The following CSRNP3 variants were observed in gnomAD, a reference collection of about 807,000 sequenced individuals.
CSRNP3 encodes cysteine and serine rich nuclear protein 3, also known as cysteine/serine-rich nuclear protein 3.
CSRNP3 carries 12 observed loss-of-function variants against 48.0 expected under a neutral mutation model. That is an observed-to-expected ratio of 0.25 (90% CI 0.16 to 0.41). The LOEUF is 0.41. Among genes scored for constraint, CSRNP3 ranks in the 10% least tolerant of loss-of-function variants. The pLI, the probability that CSRNP3 is intolerant of heterozygous loss-of-function variation, is 1.00. For synonymous variants in CSRNP3, 263 were observed against 269.7 expected (o/e 0.98, Z 0.24); for missense variants, 580 against 724.4 (o/e 0.80, Z 2.29).
intron 3 of CSRNP3, among the ~76,000 whole-genome samples, chr2:165,575,390 AT>A (rs1193246053): frequency 1.4e-5 from 2 of 147,068 alleles, no homozygotes; most frequent in Non-Finnish European, 3.0e-5. Context: ...AAAAAATGTT[AT>A]TTTCATTTGC....
At chr2:165,550,467 C>T (rs1685082313) in intron 3 of CSRNP3, among the ~76,000 whole-genome samples, 1 of 152,118 alleles carries the variant, frequency 6.6e-6, no homozygotes, top group South Asian at 2.1e-4. Flanking sequence ...TTAGAATTAG[C>T]TAAGAGTCAT....
At chr2:165,626,719 A>G (rs1371973394) in intron 4 of CSRNP3, among the ~76,000 whole-genome samples, 1 of 152,180 alleles carries the variant, frequency 6.6e-6, no homozygotes, top group Non-Finnish European at 1.5e-5. Flanking sequence ...CCAGTGGCCA[A>G]ATGACTTCAC....
intron 3 of CSRNP3, among the ~76,000 whole-genome samples, chr2:165,532,836 C>T (rs537218581): frequency 9.3e-4 from 142 of 152,120 alleles, no homozygotes; most frequent in African/African-American, 3.2e-3. Flanking sequence ...AAAATCTCCT[C>T]AAGCTGATAA....
chr2:165,505,245 A>G (rs1684411005), intron 2 of CSRNP3, among the ~76,000 whole-genome samples: 1 of 152,168 alleles, frequency 6.6e-6, no homozygotes, highest in Non-Finnish European at 1.5e-5. Flanking sequence ...TTTCTGTCCT[A>G]TAAAGGAAAA....
At chr2:165,500,407 A>G (rs1158294155) in intron 2 of CSRNP3, among the ~76,000 whole-genome samples, 1 of 133,526 alleles carries the variant, frequency 7.5e-6, no homozygotes, top group Admixed American at 7.7e-5. Context: ...ACATATATGT[A>G]TACATATATA....
intron 4 of CSRNP3, among the ~76,000 whole-genome samples, chr2:165,645,444 C>T (rs1686795362): frequency 6.6e-6 from 1 of 152,296 alleles, no homozygotes; most frequent in East Asian, 1.9e-4. Context: ...GATACCATCA[C>T]CTTGGGGGTT....
chr2:165,478,950 A>G (rs936461993), intron 1 of CSRNP3, among the ~76,000 whole-genome samples: 3 of 152,236 alleles, frequency 2.0e-5, no homozygotes, highest in Admixed American at 1.3e-4. Context: ...CATTATTATC[A>G]TCTGTTTATC....
At chr2:165,666,815 AG>A (rs1331595321) in intron 5 of CSRNP3, among the ~76,000 whole-genome samples, 1 of 145,776 alleles carries the variant, frequency 6.9e-6, no homozygotes, top group Non-Finnish European at 1.5e-5. Context: ...GAAGAAAGAA[AG>A]AGAGAGAAAG....
chr2:165,568,259 A>C (rs2105272179), intron 3 of CSRNP3, among the ~76,000 whole-genome samples: 1 of 151,822 alleles, frequency 6.6e-6, no homozygotes, highest in South Asian at 2.1e-4. Flanking sequence ...CTTTGCCCAT[A>C]CCTCTTATCT....
rs775514933 is a variant in CSRNP3 at position 165,679,386 on chromosome 2, C to T, written c.1391C>T (p.Thr464Ile). 26 of 1,613,360 alleles carry T rather than the reference C, an allele frequency of 1.6e-5. No homozygotes were observed. Among genetic ancestry groups the T allele is most frequent in the Non-Finnish European group, 6.8e-6 (8 of 1,179,912 alleles). ...GAAAGAGACACTGTCAAAAATGGTA[C>T]CCTTTCGCTGGTGCCTTACACCATG... Reference protein sequence around the residue: ...YSERDTVKNGTLSLVPYTMTP... With the variant: ...YSERDTVKNGILSLVPYTMTP... Residue 464 changes from threonine (T) to isoleucine (I), a missense_variant, in exon 7 of 7, where the codon ACC becomes ATC. Thr to Ile is a moderately conservative substitution (Grantham distance 89). Transcript: ENST00000651982.
chr2:165,670,093 T>C (rs1687304124), intron 5 of CSRNP3, among the ~76,000 whole-genome samples: 1 of 152,212 alleles, frequency 6.6e-6, no homozygotes, highest in Admixed American at 6.5e-5. Context: ...ATCTGGATAA[T>C]TTATAGGTCA....
chr2:165,622,007 C>T (rs1389258528), intron 4 of CSRNP3, among the ~76,000 whole-genome samples: 1 of 152,126 alleles, frequency 6.6e-6, no homozygotes, highest in Non-Finnish European at 1.5e-5. Flanking sequence ...GCAGAGCTTT[C>T]TTCTTTGAGC....
chr2:165,597,303 CCTAGGA>C (rs1407065492), intron 4 of CSRNP3, among the ~76,000 whole-genome samples: 1 of 151,918 alleles, frequency 6.6e-6, no homozygotes, highest in African/African-American at 2.4e-5. Context: ...ATGTGCCCTA[CCTAGGA>C]ATGCATAGAA....
chr2:165,485,352 CTATA>C (rs1236050309), intron 1 of CSRNP3, among the ~76,000 whole-genome samples: 1 of 152,112 alleles, frequency 6.6e-6, no homozygotes. Flanking sequence ...AATTAAACAC[CTATA>C]TAGTGCAACA....
At position 165,657,810 on chromosome 2, in the gene CSRNP3, T is replaced by C. The variant is rs1275143909; in HGVS notation, c.198T>C (p.His66=). 1 of 1,614,036 alleles carries C rather than the reference T, an allele frequency of 6.2e-7. No individual in the cohort carries two copies. Among genetic ancestry groups the C allele is most frequent in the South Asian group, 1.1e-5 (1 of 91,068 alleles). Residue 66 remains histidine (H), a synonymous_variant, in exon 5 of 7, where the codon CAT becomes CAC. Coordinates refer to ENST00000651982, the MANE Select transcript of CSRNP3 (RefSeq NM_001172173.2). ...REKRLRTKNV[H]FSCVTVYYFT... Reference sequence around the variant, plus strand: ...AACGACTGAGGACAAAGAATGTACATTTTAGTTGTGTCACCGTGTACTACT... The same window carrying C: ...AACGACTGAGGACAAAGAATGTACACTTTAGTTGTGTCACCGTGTACTACT...
chr2:165,499,411 A>G (rs1684327676), intron 2 of CSRNP3, among the ~76,000 whole-genome samples: 1 of 152,164 alleles, frequency 6.6e-6, no homozygotes, highest in Non-Finnish European at 1.5e-5. Context: ...TCTGCTTAAA[A>G]GAAAAAAAGA....
Position 165,506,943 on chromosome 2 carries a change from AT to A in CSRNP3, c.-112-10929del, listed in dbSNP as rs535325720. On this transcript the variant is annotated intron_variant, in intron 2 of 6. Coordinates refer to ENST00000651982, the MANE Select transcript of CSRNP3 (RefSeq NM_001172173.2). Reference sequence around the variant, plus strand: ...ACTAGAAAAAATAGGAGGAAGAAAAATGTGTTGGGCCACCAATAACAATGGA... The same window carrying A: ...ACTAGAAAAAATAGGAGGAAGAAAAAGTGTTGGGCCACCAATAACAATGGA... Among the ~76,000 whole-genome samples, 40 of 152,240 alleles carry A rather than the reference AT, an allele frequency of 2.6e-4. 1 individual carries two copies. The highest frequency in any genetic ancestry group is 6.8e-3 in the Middle Eastern group (2 of 294).
chr2:165,477,519 A>ATG (rs1683980169), intron 1 of CSRNP3, among the ~76,000 whole-genome samples: 1 of 145,612 alleles, frequency 6.9e-6, no homozygotes, highest in Non-Finnish European at 1.5e-5. Context: ...ATATATATAT[A>ATG]TTAGCCAGGT....
At chr2:165,565,773 A>G (rs992983118) in intron 3 of CSRNP3, among the ~76,000 whole-genome samples, 3 of 152,040 alleles carry the variant, frequency 2.0e-5, no homozygotes, top group Non-Finnish European at 4.4e-5. Context: ...TTCATGTTGT[A>G]TGATTAATAG....
Sources: gnomAD v4.1 joint callset for allele counts (sites outside exome capture counted in the v4.1 genomes callset) on GRCh38, gnomAD v4.1.1 for gene constraint, MANE v1.5 for transcripts, NCBI Gene and HGNC (gene_info 2026-07-23, HGNC 2026-07-21) for gene names.